NPIPB8: variants seen among roughly 807,000 people sequenced by gnomAD.
The protein encoded by NPIPB8 is nuclear pore complex interacting protein family member B8.
Under a neutral mutation model 5.3 loss-of-function variants are expected in NPIPB8, and 3 were observed. The observed-to-expected ratio is 0.57, with a 90% CI of 0.26 to 1.47. NPIPB8 has a LOEUF of 1.47. Ranked by LOEUF, NPIPB8 falls within the 40% of genes most tolerant of loss-of-function variation. NPIPB8 has a pLI of 0.13. For missense variants in NPIPB8, 50 were observed against 50.2 expected (o/e 1.00, Z 0.01); for synonymous variants, 18 against 23.0 (o/e 0.78, Z 0.62).
intron 5 of NPIPB8, among the ~76,000 whole-genome samples, chr16:28,652,608 CT>C (rs1244712450): frequency 0.014 from 1,036 of 74,150 alleles, 2 homozygotes; most frequent in African/African-American, 0.043. Context: ...TCCTTTCTCT[CT>C]TTTTTTTTTT....
At chr16:28,642,990 C>T (rs1369624984) in intron 2 of NPIPB8, among the ~76,000 whole-genome samples, 2 of 152,170 alleles carry the variant, frequency 1.3e-5, no homozygotes, top group African/African-American at 2.4e-5. Context: ...GGGCGGAAGG[C>T]CTGTGGGAAG....
intron 2 of NPIPB8, among the ~76,000 whole-genome samples, chr16:28,642,715 C>A (rs1031118965): frequency 1.4e-4 from 21 of 151,428 alleles, no homozygotes; most frequent in Non-Finnish European, 2.5e-4. Context: ...AACTCCTGAC[C>A]TTGTGATCCG....
intron 2 of NPIPB8, among the ~76,000 whole-genome samples, chr16:28,641,091 C>T (rs1042331370): frequency 3.3e-5 from 5 of 151,978 alleles, no homozygotes; most frequent in Non-Finnish European, 2.9e-5. Context: ...GTGCATTTTC[C>T]TGTGCTAAAC....
intron 2 of NPIPB8, among the ~76,000 whole-genome samples, chr16:28,642,104 C>A (rs1173124280): frequency 7.7e-6 from 1 of 130,450 alleles, no homozygotes; most frequent in African/African-American, 3.2e-5. Flanking sequence ...AAATCTAGGG[C>A]TTCTTTTTTT....
chr16:28,642,357 G>A (rs1488902171), intron 2 of NPIPB8, among the ~76,000 whole-genome samples: 1 of 152,066 alleles, frequency 6.6e-6, no homozygotes, highest in African/African-American at 2.4e-5. Flanking sequence ...ACCTACCTCA[G>A]CCTCCCAGAG....
At chr16:28,639,927 C>T (rs1444556549) in intron 2 of NPIPB8, among the ~76,000 whole-genome samples, 2 of 150,248 alleles carry the variant, frequency 1.3e-5, no homozygotes, top group African/African-American at 5.0e-5. Flanking sequence ...AATCAGTATG[C>T]ATCATGAAGC....
At chr16:28,637,983 A>T (rs2047823304), upstream of NPIPB8, 1 of 844,562 alleles carries the variant, frequency 1.2e-6, no homozygotes, top group South Asian at 2.6e-5. Context: ...GGTTTCAGGC[A>T]CAGAACTGTA....
chr16:28,641,963 G>A (rs1482157057), intron 2 of NPIPB8, among the ~76,000 whole-genome samples: 5 of 145,494 alleles, frequency 3.4e-5, no homozygotes, highest in Non-Finnish European at 4.5e-5. Flanking sequence ...CCCTGTCTCT[G>A]CTTGGGCTAT....
intron 2 of NPIPB8, among the ~76,000 whole-genome samples, chr16:28,642,446 G>C (rs2047917265): frequency 6.6e-6 from 1 of 150,962 alleles, no homozygotes; most frequent in Non-Finnish European, 1.5e-5. Context: ...AAAAAGAATT[G>C]AATTCCATAG....
At chr16:28,641,341 T>C (rs2370358) in intron 2 of NPIPB8, among the ~76,000 whole-genome samples, 24 of 150,560 alleles carry the variant, frequency 1.6e-4, no homozygotes, top group Non-Finnish European at 2.4e-4. Context: ...GCTCACCAGA[T>C]GATCCTACAC....
At chr16:28,652,768 A>C (rs1448330528) in intron 5 of NPIPB8, among the ~76,000 whole-genome samples, 1 of 136,148 alleles carries the variant, frequency 7.3e-6, no homozygotes, top group Non-Finnish European at 1.6e-5. Context: ...TGCCCAGCTA[A>C]TTTTTGTATT....
At chr16:28,642,793 T>C (rs919055029) in intron 2 of NPIPB8, among the ~76,000 whole-genome samples, 12 of 151,818 alleles carry the variant, frequency 7.9e-5, no homozygotes, top group African/African-American at 2.9e-4. Flanking sequence ...CTGTTTTGTT[T>C]TTGTTTTGCT....
intron 2 of NPIPB8, among the ~76,000 whole-genome samples, chr16:28,642,339 T>A (rs2411436): frequency 1.4e-4 from 21 of 152,022 alleles, no homozygotes; most frequent in Admixed American, 1.3e-3. Flanking sequence ...CTCCTAACCT[T>A]GTGATCCACC....
chr16:28,640,691 T>C (rs2047881166), intron 2 of NPIPB8, among the ~76,000 whole-genome samples: 1 of 152,152 alleles, frequency 6.6e-6, no homozygotes, highest in South Asian at 2.1e-4. Context: ...ATTTGCTTTA[T>C]CTTCAGCCAG....
intron 2 of NPIPB8, among the ~76,000 whole-genome samples, chr16:28,638,851 CTG>C (rs2047839151): frequency 1.3e-5 from 2 of 149,022 alleles, no homozygotes; most frequent in Non-Finnish European, 3.0e-5. Context: ...GGTGGATCAC[CTG>C]AGGCCAGGAC....
chr16:28,642,559 A>G (rs1217398697), intron 2 of NPIPB8, among the ~76,000 whole-genome samples: 1 of 150,900 alleles, frequency 6.6e-6, no homozygotes, highest in Non-Finnish European at 1.5e-5. Context: ...ATCTCGGCTC[A>G]CTGCAGACTC....
chr16:28,642,340 G>T (rs1198574981), intron 2 of NPIPB8, among the ~76,000 whole-genome samples: 3 of 152,084 alleles, frequency 2.0e-5, no homozygotes, highest in African/African-American at 4.8e-5. Context: ...TCCTAACCTT[G>T]TGATCCACCT....
intron 2 of NPIPB8, among the ~76,000 whole-genome samples, chr16:28,642,639 C>A (rs2047923310): frequency 1.3e-5 from 2 of 150,962 alleles, no homozygotes; most frequent in South Asian, 4.2e-4. Context: ...TGCCCACCAC[C>A]ACACCCGGCT....
intron 5 of NPIPB8, among the ~76,000 whole-genome samples, chr16:28,653,137 A>G (rs1388286684): frequency 9.1e-6 from 1 of 110,262 alleles, no homozygotes; most frequent in African/African-American, 3.8e-5. Context: ...CAGTGGCATG[A>G]TCTTGGCTCA....
Sources: allele counts gnomAD v4.1 joint callset (sites outside exome capture counted in the v4.1 genomes callset), GRCh38; gene constraint gnomAD v4.1.1; transcripts MANE v1.5; gene names NCBI Gene and HGNC (gene_info 2026-07-23, HGNC 2026-07-21).